PKHD1L1: variants seen among roughly 807,000 people sequenced by gnomAD.
PKHD1L1 encodes fibrocystin-L.
In PKHD1L1, 434 loss-of-function variants were observed where a neutral mutation model predicts 462.9. The ratio of observed to expected loss-of-function variants is 0.94; its 90% CI spans 0.87 to 1.02. The LOEUF (loss-of-function observed/expected upper bound fraction) is 1.02. Among genes scored for constraint, PKHD1L1 ranks in the 50% least tolerant of loss-of-function variants. The probability of loss-of-function intolerance (pLI) is 0.00; values close to 1 mark genes in which losing one functional copy is unlikely to be tolerated. For missense variants in PKHD1L1, 5,202 were observed against 5,096.1 expected, an observed-to-expected ratio of 1.02 and a Z score of -0.63; for synonymous variants, 1,781 against 1,750.0, an observed-to-expected ratio of 1.02 and a Z score of -0.44.
intron 11 of PKHD1L1, among the ~76,000 whole-genome samples, chr8:109,396,727 G>C (rs768393220): frequency 2.0e-5 from 3 of 152,164 alleles, no homozygotes; most frequent in Non-Finnish European, 4.4e-5. Context: ...GAGCTATGCA[G>C]CTCAAAAGAG....
At chr8:109,423,154 T>C (rs1814559919) in intron 23 of PKHD1L1, among the ~76,000 whole-genome samples, 1 of 152,106 alleles carries the variant, frequency 6.6e-6, no homozygotes, top group African/African-American at 2.4e-5. Context: ...TGAGGCCAAA[T>C]TTATCACTTT....
Position 109,456,339 on chromosome 8 carries a change from G to T in PKHD1L1, c.6952G>T (p.Ala2318Ser), listed in dbSNP as rs1586554693. 6.2e-7 allele frequency: 1 copy of T among 1,611,042 alleles called. No individual in the cohort carries two copies. Among genetic ancestry groups the T allele is most frequent in the Non-Finnish European group, 8.5e-7 (1 of 1,178,448 alleles). ...GGAAAGAATTTTAATTTTACAAGAAGCAGTAACATGGAAACCAGGAGATAA... is the reference window on the plus strand; with the variant it reads ...GGAAAGAATTTTAATTTTACAAGAATCAGTAACATGGAAACCAGGAGATAA... ...AGERILILQE[A>S]VTWKPGDNIV... Residue 2318 changes from alanine to serine, a missense_variant, in exon 46 of 78, where the codon GCA becomes TCA. By Grantham distance (99) the Ala-to-Ser change is moderately conservative. This residue lies in a region of PKHD1L1 where 4,497 missense variants were observed against 4,336.8 expected (regional missense o/e 1.04). Coordinates refer to ENST00000378402, the MANE Select transcript of PKHD1L1 (RefSeq NM_177531.6).
chr8:109,515,295 T>G lies in PKHD1L1; in HGVS notation c.11679T>G (p.His3893Gln). The change falls in exon 72 of 78, where the codon CAT becomes CAG. Residue 3893 changes from histidine (H) to glutamine (Q), a missense_variant. Around this residue, in one of 3 missense-constraint regions of PKHD1L1, gnomAD observed 698 missense variants for 736.3 expected, o/e 0.95. Coordinates refer to ENST00000378402, the MANE Select transcript of PKHD1L1 (RefSeq NM_177531.6). ...AQQKHCELNN[H>Q]LYKDQFLPNL... ...AGAAACACTGTGAACTTAATAACCA[T>G]CTGTACAAAGGTATTGTCTCAGAAA... 1.3e-6 allele frequency: 2 copies of G among 1,593,068 alleles called. No individual in the cohort carries two copies. The highest frequency in any genetic ancestry group is 1.7e-6 in the Non-Finnish European group (2 of 1,168,282).
In PKHD1L1 at chr8:109,427,102, C is replaced by T; in HGVS notation, c.2946C>T (p.Gly982=). The change falls in exon 25 of 78, where the codon GGC becomes GGT. Residue 982 remains glycine, a synonymous_variant. Transcript: ENST00000378402. ...TTACACGAGAGGGAACCTGTGCTGG[C>T]TACGCGTGGAACATCAAATGGAGAA... is the stretch of plus-strand genomic sequence containing the variant. ...ISVTREGTCA[G]YAWNIKWRST... 6.2e-7 allele frequency: 1 copy of T among 1,613,952 alleles called. No individual in the cohort carries two copies. The highest frequency in any genetic ancestry group is 8.5e-7 in the Non-Finnish European group (1 of 1,179,856).
At position 109,444,938 on chromosome 8, in the gene PKHD1L1, G is replaced by T; in HGVS notation, c.5069G>T (p.Gly1690Val). 1.2e-6 allele frequency: 2 copies of T among 1,614,004 alleles called. No individual in the cohort carries two copies. The highest frequency in any genetic ancestry group is 1.7e-6 in the Non-Finnish European group (2 of 1,179,884). ...TCTGGATTTGCCGTTTCTTCTGCAG[G>T]TGTAAAAGTCCTTATGGGTCATTTC... is the stretch of plus-strand genomic sequence containing the variant. Reference protein sequence around the residue: ...KGSGFAVSSAGVKVLMGHFPC... With the variant: ...KGSGFAVSSAVVKVLMGHFPC... The change falls in exon 38 of 78, where the codon GGT becomes GTT. Residue 1690 changes from glycine (G) to valine (V), a missense_variant. Gly to Val is a moderately radical substitution (Grantham distance 109). This residue lies in a region of PKHD1L1 where 4,497 missense variants were observed against 4,336.8 expected (regional missense o/e 1.04). Transcript: ENST00000378402.
At chr8:109,456,634 T>A (rs1816842000) in intron 46 of PKHD1L1, among the ~76,000 whole-genome samples, 1 of 152,214 alleles carries the variant, frequency 6.6e-6, no homozygotes, top group South Asian at 2.1e-4. Context: ...GAAATAACTA[T>A]GTCCTAGTAA....
chr8:109,479,456 A>G, intron 53 of PKHD1L1, 95 bp from the exon 54 acceptor site: 1 of 861,568 alleles, frequency 1.2e-6, no homozygotes. Flanking sequence ...CTACCATGTA[A>G]AATCTTATGG....
At chr8:109,390,389 A>G (rs1405060681) in intron 8 of PKHD1L1, 63 bp from the exon 9 acceptor site, 1 of 899,176 alleles carries the variant, frequency 1.1e-6, no homozygotes, top group Non-Finnish European at 1.6e-6. Context: ...GCTTTATAAT[A>G]TAGAGTTATT....
intron 16 of PKHD1L1, 37 bp from the exon 17 acceptor site, chr8:109,406,298 T>C (rs1813529798): frequency 1.3e-6 from 2 of 1,521,768 alleles, no homozygotes; most frequent in African/African-American, 1.4e-5. Flanking sequence ...TTTCAACTTT[T>C]CTGTTTGTTT....
chr8:109,398,334 G>A (rs1426134957), intron 11 of PKHD1L1, 125 bp from the exon 12 acceptor site: 1 of 631,796 alleles, frequency 1.6e-6, no homozygotes, highest in Non-Finnish European at 2.9e-6. Context: ...AGGAAATAAA[G>A]AGCCCTAATT....
At chr8:109,381,172 T>C (rs1459946292) in intron 2 of PKHD1L1, among the ~76,000 whole-genome samples, 198 bp from the exon 3 acceptor site, 1 of 152,160 alleles carries the variant, frequency 6.6e-6, no homozygotes, top group Non-Finnish European at 1.5e-5. Context: ...CAGCAATACT[T>C]TTATGAGTAA....
intron 25 of PKHD1L1, among the ~76,000 whole-genome samples, chr8:109,427,590 A>C (rs1195384818): frequency 1.3e-5 from 2 of 152,106 alleles, no homozygotes. Flanking sequence ...ATTTTTTCCA[A>C]GTTCATAAGG....
chr8:109,525,722 T>TA (rs994165805), intron 76 of PKHD1L1, among the ~76,000 whole-genome samples: 44 of 150,876 alleles, frequency 2.9e-4, no homozygotes, highest in African/African-American at 1.0e-3. Context: ...AAAAAATTAA[T>TA]AAAAAAATTC....
chr8:109,526,826 G>A lies in PKHD1L1; in HGVS notation c.12527G>A (p.Gly4176Glu), dbSNP rs186340736. The A allele has an allele frequency of 6.4e-7, 1 of 1,570,692 alleles. No homozygotes were observed. Among genetic ancestry groups the A allele is most frequent in the East Asian group, 2.3e-5 (1 of 42,804 alleles). The stretch of plus-strand genomic sequence containing the variant: ...GAATTTATACTGGATAATGTTGTTG[G>A]GGTAGAATCCAGAACTTTCAGCCTG... ...KIEFILDNVVGVESRTFSLLA... is the reference protein window; with the variant it reads ...KIEFILDNVVEVESRTFSLLA... Residue 4176 changes from glycine to glutamate, a missense_variant, in exon 77 of 78, where the codon GGG becomes GAG. Gly to Glu is a moderately conservative substitution (Grantham distance 98). This residue lies in a region of PKHD1L1 where 698 missense variants were observed against 736.3 expected (regional missense o/e 0.95). Transcript: ENST00000378402.
At chr8:109,456,228 G>A (rs760083405) in intron 45 of PKHD1L1, 34 bp from the exon 46 acceptor site, 8 of 1,571,938 alleles carry the variant, frequency 5.1e-6, no homozygotes, top group Middle Eastern at 1.7e-4. Context: ...TCAAACACAT[G>A]TAAGGAAATA....
In PKHD1L1 at chr8:109,464,270, C is replaced by T. The variant is rs774718315; in HGVS notation, c.7438C>T (p.Leu2480=). Residue 2480 remains leucine, a synonymous_variant, in exon 49 of 78, where the codon CTG becomes TTG. Coordinates refer to ENST00000378402, the MANE Select transcript of PKHD1L1 (RefSeq NM_177531.6). ...GGGGCGATATCCAATACATTGGCAC[C>T]TGCTTGGAGACTTACAGTTTAAATC... The part of the protein sequence containing the change: ...RLGRYPIHWH[L]LGDLQFKSYV... 21 of 1,612,170 alleles carry T rather than the reference C, an allele frequency of 1.3e-5. No individual in the cohort carries two copies. The South Asian group carries it at 2.3e-4, about 18-fold the overall frequency.
intron 71 of PKHD1L1, 104 bp from the exon 72 acceptor site, chr8:109,515,066 T>G (rs1330129346): frequency 1.1e-5 from 10 of 933,440 alleles, no homozygotes; most frequent in Non-Finnish European, 1.4e-5. Context: ...TAAAACTTAG[T>G]TTTAATAGTT....
At chr8:109,428,918 G>A (rs1367773183) in intron 25 of PKHD1L1, among the ~76,000 whole-genome samples, 1 of 152,080 alleles carries the variant, frequency 6.6e-6, no homozygotes, top group Non-Finnish European at 1.5e-5. Context: ...GGTAAAAAAT[G>A]ATACAAGGAA....
chr8:109,492,839 A>G (rs551241884), intron 62 of PKHD1L1, among the ~76,000 whole-genome samples: 3 of 151,964 alleles, frequency 2.0e-5, no homozygotes, highest in Admixed American at 2.0e-4. Flanking sequence ...ATAGGGAAGA[A>G]CGAAATGTGT....
Sources: allele counts gnomAD v4.1 joint callset (sites outside exome capture counted in the v4.1 genomes callset), GRCh38; gene constraint gnomAD v4.1.1; regional missense constraint gnomAD v4.1.1; transcripts MANE v1.5; gene names NCBI Gene and HGNC (gene_info 2026-07-23, HGNC 2026-07-21).